CD101: variants seen among roughly 807,000 people sequenced by gnomAD.
CD101 encodes CD101 molecule.
A neutral mutation model predicts 98.2 loss-of-function variants in CD101; 76 were observed. The ratio of observed to expected loss-of-function variants is 0.77; its 90% CI spans 0.64 to 0.94. The LOEUF (loss-of-function observed/expected upper bound fraction) is 0.94. Ranked by LOEUF, CD101 falls within the 40% of genes least tolerant of loss-of-function variation. The pLI is 0.00. For synonymous variants in CD101, 471 were observed against 472.7 expected (o/e 1.00, Z 0.05); for missense variants, 1,145 against 1,218.8 (o/e 0.94, Z 0.90).
chr1:117,028,443 T>G (rs1036198611), intron 8 of CD101, among the ~76,000 whole-genome samples: 1 of 152,226 alleles, frequency 6.6e-6, no homozygotes, highest in African/African-American at 2.4e-5. Flanking sequence ...TAAGTTGGGC[T>G]GGAACTGAGT....
In CD101 at chr1:117,010,469, C is replaced by T. The variant is rs1368847966; in HGVS notation, c.424+239C>T. ...AATATTTAGATGGTGTGTGGTTTTC[C>T]CAAGGCCTTGTCCGCAGCTCTCCAT... On this transcript the variant is annotated intron_variant, in intron 2 of 9. Coordinates refer to ENST00000682167, the MANE Select transcript of CD101 (RefSeq NM_001256106.3). This position sits in a 1 kb window ranked among gnomAD's most constrained non-coding sequence, Gnocchi z 5.2. Among the ~76,000 whole-genome samples the T allele has an allele frequency of 2.6e-5, 4 of 152,080 alleles. No individual in the cohort carries two copies. Among genetic ancestry groups the T allele is most frequent in the Non-Finnish European group, 5.9e-5 (4 of 68,018 alleles).
chr1:117,011,746 G>A lies in CD101; in HGVS notation c.621G>A (p.Leu207=). The change falls in exon 3 of 10, where the codon TTG becomes TTA. Residue 207 remains leucine (L), a synonymous_variant. Transcript: ENST00000682167. The stretch of plus-strand genomic sequence containing the variant: ...TTTCTCTCTCCAAAGATTTTATATT[G>A]GTCCCTGGGCCCTTGTATACAGAGC... ...EIISLSKDFI[L]VPGPLYTERF... The A allele has an allele frequency of 6.2e-7, 1 of 1,614,022 alleles. No homozygotes were observed. The highest frequency in any genetic ancestry group is 1.1e-5 in the South Asian group (1 of 91,062).
chr1:117,026,529 C>T (rs1036806777), intron 8 of CD101: 2 of 152,240 alleles, frequency 1.3e-5, no homozygotes, highest in Non-Finnish European at 2.9e-5. Flanking sequence ...TTTCTATCAG[C>T]CTTTTTCTTC....
intron 8 of CD101, among the ~76,000 whole-genome samples, chr1:117,029,233 GAAA>G (rs1465310071): frequency 9.1e-6 from 1 of 109,460 alleles, no homozygotes. Context: ...AAGAAAGAAA[GAAA>G]GAAAGAAAGA....
chr1:117,028,089 A>C (rs1654076622), intron 8 of CD101, among the ~76,000 whole-genome samples: 2 of 145,492 alleles, frequency 1.4e-5, no homozygotes, highest in East Asian at 4.0e-4. Context: ...CTGTCTCAAA[A>C]TAAATAAATA....
At position 117,004,045 on chromosome 1, in the gene CD101, G is replaced by A. The variant is rs377109652; in HGVS notation, c.43+2185G>A. Reference sequence around the variant, plus strand: ...GAAAATGGTGCCATATGAGATTAATGTCATGGGTAAATGAGTTCTCGGATT... The same window carrying A: ...GAAAATGGTGCCATATGAGATTAATATCATGGGTAAATGAGTTCTCGGATT... On this transcript the variant is annotated intron_variant, in intron 1 of 9. Transcript: ENST00000682167. This position sits in a 1 kb window ranked among gnomAD's most constrained non-coding sequence, Gnocchi z 4.1. Among the ~76,000 whole-genome samples, 1 of 152,076 alleles carries A rather than the reference G, an allele frequency of 6.6e-6. No individual in the cohort carries two copies. Among genetic ancestry groups the A allele is most frequent in the African/African-American group, 2.4e-5 (1 of 41,400 alleles).
intron 9 of CD101, among the ~76,000 whole-genome samples, chr1:117,035,804 G>A (rs971432615): frequency 1.3e-5 from 2 of 151,996 alleles, no homozygotes; most frequent in African/African-American, 2.4e-5. Flanking sequence ...CACCCGCCTC[G>A]GCCTCCCAAA....
chr1:117,011,054 G>A (rs901012113), intron 2 of CD101, among the ~76,000 whole-genome samples: 2 of 152,148 alleles, frequency 1.3e-5, no homozygotes, highest in Admixed American at 1.3e-4. Context: ...TAGTAAGATG[G>A]TTACCAAAAC....
intron 6 of CD101, among the ~76,000 whole-genome samples, chr1:117,020,356 C>T (rs1019428886): frequency 6.6e-6 from 1 of 152,042 alleles, no homozygotes; most frequent in Admixed American, 6.5e-5. Flanking sequence ...CCAGCCTGGC[C>T]AACATAGTGA....
At chr1:117,027,221 A>G (rs1028031957) in intron 8 of CD101, among the ~76,000 whole-genome samples, 15 of 152,356 alleles carry the variant, frequency 9.8e-5, no homozygotes, top group African/African-American at 2.9e-4. Flanking sequence ...ACAGGTACAC[A>G]CATACCTACA....
chr1:117,035,699 G>A (rs1050194013), intron 9 of CD101, among the ~76,000 whole-genome samples: 16 of 151,912 alleles, frequency 1.1e-4, no homozygotes, highest in African/African-American at 2.4e-4. Context: ...ACAGGCACCC[G>A]CCACCATGCC....
chr1:117,035,634 C>G (rs1654767475), intron 9 of CD101, among the ~76,000 whole-genome samples: 1 of 151,490 alleles, frequency 6.6e-6, no homozygotes. Context: ...ACTGCAAGCT[C>G]CGCCTCCCGG....
At position 117,021,518 on chromosome 1, in the gene CD101, C is replaced by T; in HGVS notation, c.2018-55C>T. The T allele has an allele frequency of 6.9e-7, 1 of 1,456,792 alleles. No homozygotes were observed. The highest frequency in any genetic ancestry group is 1.4e-5 in the African/African-American group (1 of 70,414). The allele number at this position is 1,456,792 out of a possible 1,614,324, so 90.2% of individuals were successfully genotyped here. A position where few individuals can be genotyped will look rare whatever the true frequency, so the allele number is the denominator to read the frequency against. Reference sequence around the variant, plus strand: ...TCATACTTGACCTCTAATGTCTCTACTACCTTAACTTTCTATTTCATAGCA... The same window carrying T: ...TCATACTTGACCTCTAATGTCTCTATTACCTTAACTTTCTATTTCATAGCA... On this transcript the variant is annotated intron_variant, in intron 6 of 9. Coordinates refer to ENST00000682167, the MANE Select transcript of CD101 (RefSeq NM_001256106.3). This position sits in a 1 kb window ranked among gnomAD's most constrained non-coding sequence, Gnocchi z 4.7.
At position 117,021,872 on chromosome 1, in the gene CD101, C is replaced by T. The variant is rs377145245; in HGVS notation, c.2317C>T (p.Arg773Trp). ...LHILNVEDSD[R>W]GKYHCAVEEW... ...CATTCTGAATGTGGAAGACAGCGATCGGGGCAAATATCACTGTGCTGTGGA... is the reference window on the plus strand; with the variant it reads ...CATTCTGAATGTGGAAGACAGCGATTGGGGCAAATATCACTGTGCTGTGGA... Residue 773 changes from arginine to tryptophan, a missense_variant, in exon 7 of 10, where the codon CGG becomes TGG. Coordinates refer to ENST00000682167, the MANE Select transcript of CD101 (RefSeq NM_001256106.3). The surrounding 1 kb of genome is among the most constrained non-coding windows in gnomAD (Gnocchi z 4.7). 1.2e-4 allele frequency: 198 copies of T among 1,614,004 alleles called. No homozygotes were observed. Among genetic ancestry groups the T allele is most frequent in the Non-Finnish European group, 1.5e-4 (178 of 1,180,028 alleles).
At chr1:117,007,480 T>A (rs56751869) in intron 1 of CD101, among the ~76,000 whole-genome samples, 3,926 of 152,178 alleles carry the variant, frequency 0.026, 167 homozygotes, top group African/African-American at 0.089. Context: ...CTGGAATAGC[T>A]AGGATTACAG....
rs765000352 is a variant in CD101, at chr1:117,001,839, G to A, written c.22G>A (p.Ala8Thr). 2.5e-6 allele frequency: 4 copies of A among 1,614,022 alleles called. No homozygotes were observed. The highest frequency in any genetic ancestry group is 3.4e-6 in the Non-Finnish European group (4 of 1,179,960). Residue 8 changes from alanine to threonine, a missense_variant, in exon 1 of 10, where the codon GCA becomes ACA. Ala to Thr is a moderately conservative substitution (Grantham distance 58, BLOSUM62 0). Transcript: ENST00000682167. ...CCAAATGGCAGGCATCTCATATGTG[G>A]CATCTTTCTTTCTCCTTCTGAGTAA... MAGISYV[A>T]SFFLLLTKLS... is the part of the protein sequence containing the mutation.
Position 117,021,759 on chromosome 1 carries a change from T to G in CD101, c.2204T>G (p.Val735Gly), listed in dbSNP as rs1283103648. The G allele has an allele frequency of 3.1e-6, 5 of 1,614,006 alleles. No individual in the cohort carries two copies. Among genetic ancestry groups the G allele is most frequent in the Non-Finnish European group, 4.2e-6 (5 of 1,179,996 alleles). ...LKILEMDQTN[V>G]IKTGDEFHTP... ...ATCCTGGAGATGGACCAAACCAATG[T>G]TATAAAAACTGGGGATGAGTTTCAC... Residue 735 changes from valine to glycine, a missense_variant, in exon 7 of 10, where the codon GTT (valine) becomes GGT (glycine). Coordinates refer to ENST00000682167, the MANE Select transcript of CD101 (RefSeq NM_001256106.3). This position sits in a 1 kb window ranked among gnomAD's most constrained non-coding sequence, Gnocchi z 4.7.
Position 117,022,142 on chromosome 1 carries a change from C to G in CD101, c.2428+159C>G, listed in dbSNP as rs924775711. 4.6e-5 allele frequency among the ~76,000 whole-genome samples: 7 copies of G among 152,044 alleles called. No individual in the cohort carries two copies. Among genetic ancestry groups the G allele is most frequent in the African/African-American group, 1.4e-4 (6 of 41,408 alleles). On this transcript the variant is annotated intron_variant, in intron 7 of 9. Coordinates refer to ENST00000682167, the MANE Select transcript of CD101 (RefSeq NM_001256106.3). This position sits in a 1 kb window ranked among gnomAD's most constrained non-coding sequence, Gnocchi z 4.8. ...ATGACTGCAAGACCGAGTAGTCCAC[C>G]AAAGGAGGGGAGGTCACTTAAGGCA...
At chr1:117,025,256 G>C (rs2101145378) in intron 7 of CD101, among the ~76,000 whole-genome samples, 1 of 152,286 alleles carries the variant, frequency 6.6e-6, no homozygotes, top group Middle Eastern at 3.4e-3. Context: ...CCAGCCACTT[G>C]GGAGGCTGAG....
Sources: allele counts gnomAD v4.1 joint callset (sites outside exome capture counted in the v4.1 genomes callset), GRCh38; gene constraint gnomAD v4.1.1; non-coding constraint Gnocchi (gnomAD v3.1); transcripts MANE v1.5; gene names NCBI Gene and HGNC (gene_info 2026-07-23, HGNC 2026-07-21).